Variants in TMC2 observed in about 807,000 individuals in gnomAD.
TMC2 encodes transmembrane channel like 2, also known as transmembrane channel-like protein 2.
TMC2 carries 102 observed loss-of-function variants against 105.9 expected under a neutral mutation model. That is an observed-to-expected ratio of 0.96 (90% CI 0.82 to 1.14). TMC2 has a LOEUF of 1.14. TMC2 is among the 50% of genes most tolerant of loss of function. The pLI is 0.00. For synonymous variants in TMC2, 402 were observed against 422.8 expected (o/e 0.95, Z 0.60); for missense variants, 1,093 against 1,134.3 (o/e 0.96, Z 0.52).
At chr20:2,595,866 G>C (rs1378983139) in intron 9 of TMC2, among the ~76,000 whole-genome samples, 1 of 152,130 alleles carries the variant, frequency 6.6e-6, no homozygotes, top group East Asian at 1.9e-4. Context: ...TCTTTCACAT[G>C]GTCTCAGGCG....
chr20:2,541,242 T>C (rs974570910), intron 2 of TMC2, among the ~76,000 whole-genome samples: 2 of 152,250 alleles, frequency 1.3e-5, no homozygotes, highest in African/African-American at 4.8e-5. Context: ...TTCATTATTC[T>C]ATTACTGAAT....
chr20:2,615,995 G>T, intron 14 of TMC2, 142 bp from the exon 15 acceptor site: 2 of 584,378 alleles, frequency 3.4e-6, no homozygotes, highest in Admixed American at 3.1e-5. Context: ...TAAATCTAAG[G>T]TTCTTCTCTA....
At position 2,617,038 on chromosome 20, in the gene TMC2, C is replaced by T; in HGVS notation, c.1941-34C>T. 1.9e-6 allele frequency: 3 copies of T among 1,613,204 alleles called. No homozygotes were observed. The Admixed American group carries it at 5.0e-5, about 27-fold the overall frequency. ...CCCTTCCCTCGCCTTCCCTGCTGTC[C>T]AGCCAACCAGGTGTTTGGTTTCTGC... On this transcript the variant is annotated intron_variant, in intron 15 of 19. Coordinates refer to ENST00000358864, the MANE Select transcript of TMC2 (RefSeq NM_080751.3).
At position 2,594,843 on chromosome 20, in the gene TMC2, G is replaced by C. The variant is rs1192047946; in HGVS notation, c.952G>C (p.Ala318Pro). 4.3e-6 allele frequency: 7 copies of C among 1,614,150 alleles called. No individual in the cohort carries two copies. In the African/African-American group the frequency reaches 9.3e-5, roughly 22 times the overall value. The change falls in exon 9 of 20, where the codon GCA (alanine) becomes CCA (proline). Residue 318 changes from alanine to proline, a missense_variant. Transcript: ENST00000358864. ...WDFEGYIKYS[A>P]LFYGYYNNQR... The stretch of plus-strand genomic sequence containing the variant: ...CCCCCAGGGCTATATCAAGTACTCT[G>C]CACTCTTCTATGGCTACTACAACAA...
intron 10 of TMC2, among the ~76,000 whole-genome samples, chr20:2,598,004 GTAGGGT>G (rs1156395066): frequency 1.3e-5 from 2 of 152,162 alleles, no homozygotes; most frequent in Non-Finnish European, 2.9e-5. Flanking sequence ...CTGGCCTGGA[GTAGGGT>G]CCTGACATTG....
intron 17 of TMC2, among the ~76,000 whole-genome samples, chr20:2,627,522 C>T (rs1011480528): frequency 1.3e-5 from 2 of 152,214 alleles, no homozygotes; most frequent in African/African-American, 4.8e-5. Flanking sequence ...CCTGCATCTT[C>T]TCCACATTGT....
chr20:2,580,454 A>C (rs1462858445), intron 7 of TMC2, among the ~76,000 whole-genome samples: 2 of 152,218 alleles, frequency 1.3e-5, no homozygotes, highest in Non-Finnish European at 2.9e-5. Context: ...GTGGAGAATT[A>C]ATGTTTCAAT....
intron 11 of TMC2, among the ~76,000 whole-genome samples, chr20:2,608,323 T>C (rs1225159509): frequency 1.4e-5 from 2 of 146,418 alleles, no homozygotes; most frequent in African/African-American, 5.0e-5. Context: ...TTATTATTAT[T>C]ATTATTATTA....
At chr20:2,607,246 T>C (rs1184308855) in intron 11 of TMC2, among the ~76,000 whole-genome samples, 1 of 152,162 alleles carries the variant, frequency 6.6e-6, no homozygotes, top group East Asian at 1.9e-4. Flanking sequence ...TCCACTGTTT[T>C]TATGAAGTCT....
intron 17 of TMC2, 152 bp from the exon 18 acceptor site, chr20:2,635,774 T>G: frequency 3.1e-6 from 2 of 650,210 alleles, no homozygotes; most frequent in Non-Finnish European, 5.5e-6. Flanking sequence ...ATCCAGGACC[T>G]TCTCCACATT....
chr20:2,557,690 C>T (rs1030427033), intron 2 of TMC2, among the ~76,000 whole-genome samples: 1 of 152,152 alleles, frequency 6.6e-6, no homozygotes, highest in African/African-American at 2.4e-5. Flanking sequence ...ACCACCACGC[C>T]CAGCTAATTT....
chr20:2,613,370 C>G, intron 14 of TMC2, 48 bp downstream of exon 14: 2 of 1,612,586 alleles, frequency 1.2e-6, no homozygotes, highest in African/African-American at 1.3e-5. Context: ...TTTCAACTAT[C>G]TTCTTTGATA....
At chr20:2,613,626 G>C (rs1373823887) in intron 14 of TMC2, 1 of 365,962 alleles carries the variant, frequency 2.7e-6, no homozygotes, top group East Asian at 6.9e-5. Context: ...ATAGGGAATT[G>C]CATCTGAGCA....
At chr20:2,536,759 G>A (rs1600090160) in intron 1 of TMC2, 104 bp downstream of exon 1, 2 of 1,314,506 alleles carry the variant, frequency 1.5e-6, no homozygotes, top group East Asian at 5.0e-5. Flanking sequence ...GGGAGGAGCT[G>A]GGTTTGAGTC....
intron 9 of TMC2, among the ~76,000 whole-genome samples, chr20:2,595,444 C>T (rs2086298818): frequency 6.6e-6 from 1 of 152,144 alleles, no homozygotes; most frequent in Admixed American, 6.6e-5. Flanking sequence ...AGAACCAAGG[C>T]TGGCATATAG....
Position 2,558,767 on chromosome 20 carries a change from A to G in TMC2, c.394A>G (p.Lys132Glu). The G allele has an allele frequency of 6.5e-7, 1 of 1,547,828 alleles. No homozygotes were observed. The highest frequency in any genetic ancestry group is 8.7e-7 in the Non-Finnish European group (1 of 1,149,372). ...RREEKSKRQK[K>E]PRSSSLASSA... The stretch of plus-strand genomic sequence containing the variant: ...GGAGGAGAAGTCGAAGCGGCAGAAG[A>G]AACCCAGGTGTGTTGTGGCTCCGAT... Residue 132 changes from lysine (K) to glutamate (E), a missense_variant, in exon 3 of 20, where the codon AAA (lysine) becomes GAA (glutamate). Coordinates refer to ENST00000358864, the MANE Select transcript of TMC2 (RefSeq NM_080751.3). This position sits in a 1 kb window ranked among gnomAD's most constrained non-coding sequence, Gnocchi z 4.6.
intron 5 of TMC2, among the ~76,000 whole-genome samples, chr20:2,577,006 T>C (rs35896367): frequency 0.14 from 21,395 of 150,786 alleles, 2,075 homozygotes; most frequent in African/African-American, 0.27. Flanking sequence ...CCTCCTGGGT[T>C]AAGTGACTCC....
At chr20:2,566,729 A>G (rs2086066910) in intron 4 of TMC2, among the ~76,000 whole-genome samples, 1 of 152,252 alleles carries the variant, frequency 6.6e-6, no homozygotes, top group South Asian at 2.1e-4. Context: ...ACTGGCTAAG[A>G]ACCTCAGGAC....
intron 4 of TMC2, among the ~76,000 whole-genome samples, chr20:2,571,906 CATATT>C (rs2086105965): frequency 1.3e-5 from 2 of 152,154 alleles, no homozygotes. Context: ...TGCCATGTAA[CATATT>C]ATATTCATGG....
Sources: gnomAD v4.1 joint callset for allele counts (sites outside exome capture counted in the v4.1 genomes callset) on GRCh38, gnomAD v4.1.1 for gene constraint, Gnocchi (gnomAD v3.1) non-coding constraint, MANE v1.5 for transcripts, NCBI Gene and HGNC (gene_info 2026-07-23, HGNC 2026-07-21) for gene names.